PTPRD: variants seen among roughly 807,000 people sequenced by gnomAD.
PTPRD encodes the protein protein tyrosine phosphatase receptor type D.
A neutral mutation model predicts 214.5 loss-of-function variants in PTPRD; 34 were observed. The observed-to-expected ratio is 0.16, with a 90% CI of 0.12 to 0.21. PTPRD has a LOEUF of 0.21. PTPRD is among the 10% of genes least tolerant of loss of function. The pLI, the probability that PTPRD is intolerant of heterozygous loss-of-function variation, is 1.00. For missense variants in PTPRD, 2,545 were observed against 2,398.7 expected (o/e 1.06, Z -1.27); for synonymous variants, 1,128 against 845.7 (o/e 1.33, Z -5.79).
At chr9:10,303,580 T>C (rs573789788) in intron 3 of PTPRD, among the ~76,000 whole-genome samples, 1 of 152,104 alleles carries the variant, frequency 6.6e-6, no homozygotes, top group African/African-American at 2.4e-5. Flanking sequence ...ATAAAGGGGA[T>C]ATCACCACTG....
chr9:8,787,118 G>A (rs999758733), intron 11 of PTPRD, among the ~76,000 whole-genome samples: 2 of 152,088 alleles, frequency 1.3e-5, no homozygotes, highest in Admixed American at 1.3e-4. Flanking sequence ...TTACAGACAT[G>A]AGCCACTACG....
chr9:9,831,049 T>C (rs75461471), intron 5 of PTPRD, among the ~76,000 whole-genome samples: 2,656 of 151,976 alleles, frequency 0.017, 75 homozygotes, highest in African/African-American at 0.061. Context: ...CATTTTAGCA[T>C]GGAAGGTGAA....
In PTPRD at chr9:10,078,126, G is replaced by GA. The variant is rs573521141; in HGVS notation, c.-544-44337dup. The stretch of plus-strand genomic sequence containing the variant: ...AACTTAGTAACTCCAAAATAAGAAA[G>GA]AAAAAAAATCTTTAAACATACATAC... On this transcript the variant is annotated intron_variant, in intron 3 of 45. Coordinates refer to ENST00000381196, the MANE Select transcript of PTPRD (RefSeq NM_002839.4). 4.6e-5 allele frequency among the ~76,000 whole-genome samples: 7 copies of GA among 151,330 alleles called. No individual in the cohort carries two copies. In the East Asian group the frequency reaches 7.8e-4, roughly 17 times the overall value.
chr9:10,363,961 G>T (rs1480424371), intron 2 of PTPRD, among the ~76,000 whole-genome samples: 4 of 113,352 alleles, frequency 3.5e-5, no homozygotes, highest in Non-Finnish European at 5.3e-5. Context: ...CAATCAATAT[G>T]TACTATTATT....
At chr9:9,688,633 A>G (rs748647630) in intron 7 of PTPRD, among the ~76,000 whole-genome samples, 1 of 151,932 alleles carries the variant, frequency 6.6e-6, no homozygotes, top group Admixed American at 6.6e-5. Context: ...CAATGAATGC[A>G]TATGAACTGC....
Position 8,942,596 on chromosome 9 carries a change from A to G in PTPRD, c.-104+76101T>C, listed in dbSNP as rs72706294. Among the ~76,000 whole-genome samples the G allele has an allele frequency of 5.3e-3, 805 of 152,294 alleles. 2 individuals are homozygous for G. Among genetic ancestry groups the G allele is most frequent in the African/African-American group, 0.011 (440 of 41,572 alleles). ...GGAGGAAGGCAAGGTAAGAAATTCCATTGCAGTTATTAAAAGACTTCCAAT... is the reference window on the plus strand; with the variant it reads ...GGAGGAAGGCAAGGTAAGAAATTCCGTTGCAGTTATTAAAAGACTTCCAAT... On this transcript the variant is annotated intron_variant, in intron 11 of 45. Coordinates refer to ENST00000381196, the MANE Select transcript of PTPRD (RefSeq NM_002839.4).
At chr9:9,869,331 A>C (rs1357375662) in intron 5 of PTPRD, among the ~76,000 whole-genome samples, 1 of 152,160 alleles carries the variant, frequency 6.6e-6, no homozygotes, top group Non-Finnish European at 1.5e-5. Flanking sequence ...ACCACTAATA[A>C]AACAATGTGG....
At chr9:10,096,517 T>G (rs2098486561) in intron 3 of PTPRD, among the ~76,000 whole-genome samples, 1 of 151,910 alleles carries the variant, frequency 6.6e-6, no homozygotes, top group Admixed American at 6.6e-5. Flanking sequence ...TCATGTGTCT[T>G]TTGGCTGCAT....
At chr9:10,224,946 T>C (rs894940972) in intron 3 of PTPRD, among the ~76,000 whole-genome samples, 1 of 152,098 alleles carries the variant, frequency 6.6e-6, no homozygotes, top group Non-Finnish European at 1.5e-5. Flanking sequence ...ACAACATATG[T>C]GTTAATTAAC....
At chr9:10,274,623 T>G (rs2094581782) in intron 3 of PTPRD, among the ~76,000 whole-genome samples, 1 of 152,184 alleles carries the variant, frequency 6.6e-6, no homozygotes, top group Non-Finnish European at 1.5e-5. Context: ...AACTTTGTCT[T>G]TAGATATTGC....
chr9:10,099,950 A>C (rs2098535393), intron 3 of PTPRD, among the ~76,000 whole-genome samples: 1 of 151,758 alleles, frequency 6.6e-6, no homozygotes, highest in Non-Finnish European at 1.5e-5. Context: ...TTAACATTTT[A>C]AAGGATTTGA....
At chr9:8,969,147 T>C (rs533349439) in intron 11 of PTPRD, among the ~76,000 whole-genome samples, 1 of 152,228 alleles carries the variant, frequency 6.6e-6, no homozygotes, top group Non-Finnish European at 1.5e-5. Flanking sequence ...CCCAAATTCA[T>C]ATCGTTAGAG....
At chr9:9,544,811 T>A (rs2154276691) in intron 8 of PTPRD, among the ~76,000 whole-genome samples, 1 of 151,862 alleles carries the variant, frequency 6.6e-6, no homozygotes, top group African/African-American at 2.4e-5. Flanking sequence ...TTTGGTATTC[T>A]GCTTTAGAAT....
intron 13 of PTPRD, among the ~76,000 whole-genome samples, chr9:8,636,306 C>A (rs749456268): frequency 6.6e-6 from 1 of 152,154 alleles, no homozygotes; most frequent in Non-Finnish European, 1.5e-5. Context: ...CACTGTCCAC[C>A]TATCCACACA....
intron 3 of PTPRD, among the ~76,000 whole-genome samples, chr9:10,315,445 T>A (rs1350989920): frequency 6.6e-6 from 1 of 151,972 alleles, no homozygotes; most frequent in Non-Finnish European, 1.5e-5. Flanking sequence ...TATATGAAAC[T>A]ATAGGTTTCA....
chr9:9,434,808 T>C (rs1292165535), intron 8 of PTPRD, among the ~76,000 whole-genome samples: 1 of 150,210 alleles, frequency 6.7e-6, no homozygotes, highest in East Asian at 1.9e-4. Flanking sequence ...GTGACATTCA[T>C]TGTTGTTACT....
intron 9 of PTPRD, among the ~76,000 whole-genome samples, chr9:9,243,289 A>G (rs988668047): frequency 6.6e-6 from 1 of 152,168 alleles, no homozygotes; most frequent in African/African-American, 2.4e-5. Context: ...AACTCATTTT[A>G]TGAGGTCAGC....
At chr9:8,452,425 G>C (rs141070699) in intron 33 of PTPRD, among the ~76,000 whole-genome samples, 1 of 152,242 alleles carries the variant, frequency 6.6e-6, no homozygotes, top group African/African-American at 2.4e-5. Context: ...GTTTTAAAAC[G>C]TTGTCATAAA....
chr9:8,889,423 G>A (rs1462921953), intron 11 of PTPRD, among the ~76,000 whole-genome samples: 1 of 152,098 alleles, frequency 6.6e-6, no homozygotes, highest in African/African-American at 2.4e-5. Flanking sequence ...ATCATACACT[G>A]AGATCACCCA....
Sources: gnomAD v4.1 joint callset for allele counts (sites outside exome capture counted in the v4.1 genomes callset) on GRCh38, gnomAD v4.1.1 for gene constraint, MANE v1.5 for transcripts, NCBI Gene and HGNC (gene_info 2026-07-23, HGNC 2026-07-21) for gene names.